The following DPP7 variants were observed in gnomAD, a reference collection of about 807,000 sequenced individuals.
The protein encoded by DPP7 is dipeptidyl peptidase 7.
In DPP7, 74 loss-of-function variants were observed where a neutral mutation model predicts 58.8. That is an observed-to-expected ratio of 1.26 (90% confidence interval 1.04 to 1.53). The LOEUF (loss-of-function observed/expected upper bound fraction) is 1.53, where lower values mean the gene tolerates loss of function less well. Among genes scored for constraint, DPP7 ranks in the 40% most tolerant of loss-of-function variants. The pLI is 0.00. For missense variants in DPP7, 807 were observed against 692.3 expected (o/e 1.17, Z -1.86); for synonymous variants, 350 against 303.6 (o/e 1.15, Z -1.59).
At position 137,113,865 on chromosome 9, in the gene DPP7, C is replaced by A; in HGVS notation, c.485G>T (p.Ser162Ile). Residue 162 changes from serine to isoleucine, a missense_variant and splice_region_variant, in exon 4 of 13, where the codon AGT becomes ATT. Ser to Ile is a moderately radical substitution (Grantham distance 142). Coordinates refer to ENST00000371579, the MANE Select transcript of DPP7 (RefSeq NM_013379.3). ...QDAPAIAFGG[S>I]YGGMLSAYLR... ...TGCGGAGGCCGGGGGAGGCGCCCAC[C>A]TTCCACCGAAGGCGATGGCGGGGGC... is the stretch of plus-strand genomic sequence containing the variant. The A allele has an allele frequency of 6.5e-7, 1 of 1,534,132 alleles. No homozygotes were observed. The highest frequency in any genetic ancestry group is 8.7e-7 in the Non-Finnish European group (1 of 1,144,416).
upstream of DPP7, among the ~76,000 whole-genome samples, chr9:137,115,487 G>A (rs567393529): frequency 6.6e-6 from 1 of 152,156 alleles, no homozygotes; most frequent in African/African-American, 2.4e-5. Flanking sequence ...CTAGCTACGT[G>A]GAGTCCTGCT....
At chr9:137,113,690 G>C (rs150930619) in intron 4 of DPP7, 175 bp downstream of exon 4, 5 of 1,424,124 alleles carry the variant, frequency 3.5e-6, no homozygotes, top group African/African-American at 1.4e-5. Flanking sequence ...TGAGCAGGTG[G>C]CTGGGAGGAC....
At chr9:137,111,642 A>T in intron 11 of DPP7, 48 bp downstream of exon 11, 1 of 1,592,064 alleles carries the variant, frequency 6.3e-7, no homozygotes, top group South Asian at 1.1e-5. Flanking sequence ...TGTCTCAAAA[A>T]AAAAACAAAC....
intron 4 of DPP7, 63 bp downstream of exon 4, chr9:137,113,802 G>A: frequency 2.9e-6 from 4 of 1,394,440 alleles, no homozygotes; most frequent in Middle Eastern, 2.6e-4. Context: ...TGGGGAGAAG[G>A]GCTGGGGGCG....
chr9:137,117,552 C>G (rs1321552423), upstream of DPP7, among the ~76,000 whole-genome samples: 1 of 152,184 alleles, frequency 6.6e-6, no homozygotes, highest in Non-Finnish European at 1.5e-5. Flanking sequence ...CCTCTCCAGA[C>G]CATCTAGGCA....
upstream of DPP7, chr9:137,114,760 C>T (rs924160080): frequency 8.1e-7 from 1 of 1,240,954 alleles, no homozygotes; most frequent in African/African-American, 1.6e-5. Flanking sequence ...CACGGGGCCG[C>T]CAGGGCGCGC....
rs188914934 is a variant in DPP7, at chr9:137,112,042, C to T, written c.1051-13G>A. On this transcript the variant is annotated splice_polypyrimidine_tract_variant and intron_variant, in intron 9 of 12. Transcript: ENST00000371579. Reference sequence around the variant, plus strand: ...TCTCGGTGCAGGCCTGCAGGTGCCCCAGCCTGAGTCAGGCCAGCCCACGCC... The same window carrying T: ...TCTCGGTGCAGGCCTGCAGGTGCCCTAGCCTGAGTCAGGCCAGCCCACGCC... The T allele has an allele frequency of 1.3e-4, 213 of 1,612,860 alleles. 1 individual carries two copies. The African/African-American group carries it at 2.3e-3, about 18-fold the overall frequency.
rs759391084 is a variant in DPP7 at position 137,112,943 on chromosome 9, G to A, written c.870+10C>T. On this transcript the variant is annotated intron_variant, in intron 7 of 12. Transcript: ENST00000371579. Reference sequence around the variant, plus strand: ...GGCCTCTCCCTGCGCCCTGGGAGGCGGCGCCTCACCTTGACGGGGTTGGCA... The same window carrying A: ...GGCCTCTCCCTGCGCCCTGGGAGGCAGCGCCTCACCTTGACGGGGTTGGCA... 2.1e-4 allele frequency: 344 copies of A among 1,612,758 alleles called. No individual in the cohort carries two copies. Among genetic ancestry groups the A allele is most frequent in the East Asian group, 5.8e-4 (26 of 44,884 alleles).
chr9:137,110,993 A>G, intron 11 of DPP7, 43 bp from the exon 12 acceptor site: 1 of 1,595,818 alleles, frequency 6.3e-7, no homozygotes, highest in Non-Finnish European at 8.6e-7. Context: ...GGAACGAGGC[A>G]ACTGCCCAGC....
chr9:137,115,577 C>T (rs1831610849), upstream of DPP7, among the ~76,000 whole-genome samples: 2 of 152,178 alleles, frequency 1.3e-5, no homozygotes, highest in South Asian at 4.1e-4. Flanking sequence ...GTTACCCTGT[C>T]CTTCTCCCAA....
Position 137,113,850 on chromosome 9 carries a change from G to T in DPP7, c.485+15C>A. On this transcript the variant is annotated intron_variant, in intron 4 of 12. Coordinates refer to ENST00000371579, the MANE Select transcript of DPP7 (RefSeq NM_013379.3). Reference sequence around the variant, plus strand: ...AGGGGAGGGAGGGGGTGCGGAGGCCGGGGGAGGCGCCCACCTTCCACCGAA... The same window carrying T: ...AGGGGAGGGAGGGGGTGCGGAGGCCTGGGGAGGCGCCCACCTTCCACCGAA... 1 of 1,492,818 alleles carries T rather than the reference G, an allele frequency of 6.7e-7. No individual in the cohort carries two copies. The highest frequency in any genetic ancestry group is 8.9e-7 in the Non-Finnish European group (1 of 1,119,934). 92.5% of individuals were successfully genotyped at this position (1,492,818 alleles called of 1,614,324 possible).
intron 4 of DPP7, 61 bp from the exon 5 acceptor site, chr9:137,113,557 C>T (rs756303203): frequency 6.0e-6 from 9 of 1,500,230 alleles, no homozygotes; most frequent in South Asian, 1.3e-5. Context: ...TCTTTTCCTC[C>T]TCAGGGGCCC....
At position 137,114,720 on chromosome 9, in the gene DPP7, T is replaced by A. The variant is rs1831578640; in HGVS notation, c.-7A>T. The A allele has an allele frequency of 1.6e-6, 2 of 1,277,034 alleles. No individual in the cohort carries two copies. The highest frequency in any genetic ancestry group is 5.6e-5 in the South Asian group (2 of 35,826). The allele number at this position is 1,277,034 out of a possible 1,614,324, so 79.1% of individuals were successfully genotyped here. A position where few individuals can be genotyped will look rare whatever the true frequency, so the allele number is the denominator to read the frequency against. On this transcript the variant is annotated 5_prime_UTR_variant, in exon 1 of 13. It adds an upstream start codon to the 5' untranslated region. Coordinates refer to ENST00000371579, the MANE Select transcript of DPP7 (RefSeq NM_013379.3). ...CCCAGGGAGCGGAGCCCATGTCGCC[T>A]TCCGCGGGCGCCCGTCACGTGGGCG...
chr9:137,115,641 G>A (rs1038268780), upstream of DPP7, among the ~76,000 whole-genome samples: 2 of 152,120 alleles, frequency 1.3e-5, no homozygotes, highest in African/African-American at 4.8e-5. Flanking sequence ...GGGGCTGAGC[G>A]GAGAAGACCG....
rs776065253 is a variant in DPP7, at chr9:137,114,316, G to A, written c.248C>T (p.Ala83Val). The change falls in exon 3 of 13, where the codon GCC becomes GTC. Residue 83 changes from alanine to valine, a missense_variant. Around this residue, in one of 3 missense-constraint regions of DPP7, gnomAD observed 168 missense variants for 124.1 expected, o/e 1.35. Coordinates refer to ENST00000371579, the MANE Select transcript of DPP7 (RefSeq NM_013379.3). ...FYTGNEGDVW[A>V]FANNSAFVAE... ...GACGAAGGCCGAGTTGTTGGCGAAG[G>A]CCCACACGTCGCCCTCGTTCCCAGT... 9 of 1,605,814 alleles carry A rather than the reference G, an allele frequency of 5.6e-6. No homozygotes were observed. The highest frequency in any genetic ancestry group is 5.0e-5 in the Admixed American group (3 of 59,754).
At chr9:137,111,259 T>C (rs10870179) in intron 11 of DPP7, among the ~76,000 whole-genome samples, 1 of 96,244 alleles carries the variant, frequency 1.0e-5, no homozygotes, top group African/African-American at 3.4e-5. Flanking sequence ...GGGAGCAGGG[T>C]AGGGGCAGGC....
chr9:137,114,496 T>G lies in DPP7; in HGVS notation c.148A>C (p.Asn50His), dbSNP rs1031442373. ...LDHFNFERFG[N>H]KTFPQRFLVS... ...AGGAAGCGCTGAGGGAAGGTCTTGT[T>G]GCCGAAGCGCTCGAAGTTGAAGTGG... The change falls in exon 2 of 13, where the codon AAC becomes CAC. Residue 50 changes from asparagine (N) to histidine (H), a missense_variant. By Grantham distance (68) the Asn-to-His change is moderately conservative. Transcript: ENST00000371579. 17 of 1,582,894 alleles carry G rather than the reference T, an allele frequency of 1.1e-5. No homozygotes were observed. The highest frequency in any genetic ancestry group is 2.7e-5 in the African/African-American group (2 of 73,682).
rs534667797 is a variant in DPP7 at position 137,112,890 on chromosome 9, T to G, written c.870+63A>C. On this transcript the variant is annotated intron_variant, in intron 7 of 12. Coordinates refer to ENST00000371579, the MANE Select transcript of DPP7 (RefSeq NM_013379.3). ...GCTCCCAGGATGAGGGTCAGGCCGC[T>G]GACCACCAGCCTCGGGACACTCCAG... 2.9e-3 allele frequency: 4,727 copies of G among 1,604,798 alleles called. 26 individuals are homozygous for G. The highest frequency in any genetic ancestry group is 0.014 in the South Asian group (1,232 of 90,334).
upstream of DPP7, among the ~76,000 whole-genome samples, chr9:137,116,265 G>A (rs1831633251): frequency 6.6e-6 from 1 of 152,226 alleles, no homozygotes; most frequent in South Asian, 2.1e-4. Context: ...GCATGGCTCT[G>A]CCAGGGGTGA....
Sources: allele counts gnomAD v4.1 joint callset (sites outside exome capture counted in the v4.1 genomes callset), GRCh38; gene constraint gnomAD v4.1.1; regional missense constraint gnomAD v4.1.1; transcripts MANE v1.5; gene names NCBI Gene and HGNC (gene_info 2026-07-23, HGNC 2026-07-21).